AQP11: variants seen among roughly 807,000 people sequenced by gnomAD.
AQP11 encodes aquaporin 11, also known as aquaporin-11.
A neutral mutation model predicts 21.1 loss-of-function variants in AQP11; 20 were observed. That is an observed-to-expected ratio of 0.95 (90% CI 0.67 to 1.38). AQP11 has a LOEUF of 1.38. Ranked by LOEUF, AQP11 falls within the 40% of genes most tolerant of loss-of-function variation. The pLI, the probability that AQP11 is intolerant of heterozygous loss-of-function variation, is 0.00. For synonymous variants in AQP11, 167 were observed against 150.1 expected, an observed-to-expected ratio of 1.11 and a Z score of -0.82; for missense variants, 339 against 340.4, an observed-to-expected ratio of 1.00 and a Z score of 0.03.
At chr11:77,595,353 AAAAG>A (rs905833899) in intron 1 of AQP11, among the ~76,000 whole-genome samples, 1 of 152,140 alleles carries the variant, frequency 6.6e-6, no homozygotes, top group Non-Finnish European at 1.5e-5. Context: ...AAAAAAGAAA[AAAAG>A]AAAGAAAAAC....
intron 1 of AQP11, among the ~76,000 whole-genome samples, chr11:77,596,547 T>TATATATATATATATATATATATATAC (rs1958783807): frequency 8.0e-6 from 1 of 124,266 alleles, no homozygotes; most frequent in African/African-American, 3.3e-5. Context: ...AATATATATA[T>TATATATATATATATATATATATATAC]ATATATATAT....
intron 1 of AQP11, among the ~76,000 whole-genome samples, chr11:77,595,939 C>A: frequency 6.6e-6 from 1 of 150,908 alleles, no homozygotes; most frequent in Non-Finnish European, 1.5e-5. Context: ...AGCAACAGAG[C>A]AAGACTCAGT....
chr11:77,603,309 T>G (rs1246386203), intron 1 of AQP11, among the ~76,000 whole-genome samples: 2 of 152,222 alleles, frequency 1.3e-5, no homozygotes, highest in Non-Finnish European at 2.9e-5. Context: ...TAACTTTCAG[T>G]GTCCATTTTA....
chr11:77,596,452 A>AT (rs1417431153), intron 1 of AQP11, among the ~76,000 whole-genome samples: 16 of 130,232 alleles, frequency 1.2e-4, no homozygotes, highest in Non-Finnish European at 2.0e-4. Flanking sequence ...ATTAAAAAAA[A>AT]AAAATATATA....
In AQP11 at chr11:77,595,610, T is replaced by C. The variant is rs570047841; in HGVS notation, c.619+4999T>C. Among the ~76,000 whole-genome samples, 219 of 152,208 alleles carry C rather than the reference T, an allele frequency of 1.4e-3. 1 individual carries two copies. The highest frequency in any genetic ancestry group is 3.4e-3 in the Middle Eastern group (1 of 294). On this transcript the variant is annotated intron_variant, in intron 1 of 2. Transcript: ENST00000313578. ...ACGAACTAGCAAATAGTCTGTTTAC[T>C]CTAAAAAACTGTACAGGAAGAAATA...
At chr11:77,603,458 A>G (rs2032395) in intron 1 of AQP11, 98 bp from the exon 2 acceptor site, 193,991 of 802,042 alleles carry the variant, frequency 0.24, 24,502 homozygotes, top group Non-Finnish European at 0.27. Flanking sequence ...GACTAAGAAT[A>G]CCTAAAATAA....
At chr11:77,607,784 T>C (rs1347593475) in intron 2 of AQP11, among the ~76,000 whole-genome samples, 1 of 151,454 alleles carries the variant, frequency 6.6e-6, no homozygotes, top group Non-Finnish European at 1.5e-5. Flanking sequence ...AAAAAAAGTA[T>C]ATAGAATTCT....
intron 1 of AQP11, among the ~76,000 whole-genome samples, chr11:77,592,519 A>C (rs1958754902): frequency 6.6e-6 from 1 of 152,252 alleles, no homozygotes; most frequent in South Asian, 2.1e-4. Flanking sequence ...TGGATTTTTC[A>C]ATACCTATGT....
chr11:77,597,878 C>T (rs550726526), intron 1 of AQP11, among the ~76,000 whole-genome samples: 3 of 152,042 alleles, frequency 2.0e-5, no homozygotes, highest in South Asian at 2.1e-4. Flanking sequence ...CTCAGCCTCC[C>T]GAGTAGCTGG....
chr11:77,606,802 T>G (rs1360964829), intron 2 of AQP11, among the ~76,000 whole-genome samples: 2 of 152,198 alleles, frequency 1.3e-5, no homozygotes, highest in Non-Finnish European at 2.9e-5. Context: ...TCTATGTTGC[T>G]CAGGCTGGTC....
intron 2 of AQP11, among the ~76,000 whole-genome samples, chr11:77,608,758 G>GA (rs1301496974): frequency 6.6e-6 from 1 of 152,160 alleles, no homozygotes; most frequent in Non-Finnish European, 1.5e-5. Flanking sequence ...AGATAAAAAT[G>GA]AAAAAACTGT....
intron 1 of AQP11, among the ~76,000 whole-genome samples, chr11:77,599,829 G>A (rs549036431): frequency 1.5e-4 from 23 of 148,996 alleles, no homozygotes; most frequent in Admixed American, 1.0e-3. Flanking sequence ...CAACCAATCC[G>A]CCCATCTCAG....
chr11:77,590,127 C>G lies in AQP11; in HGVS notation c.135C>G (p.His45Gln). The change falls in exon 1 of 3, where the codon CAC becomes CAG. Residue 45 changes from histidine to glutamine, a missense_variant. Transcript: ENST00000313578. ...ARQQLHRPVA[H>Q]AFVLEFLATF... Reference sequence around the variant, plus strand: ...AGCAGCTGCACAGGCCGGTGGCCCACGCCTTCGTCCTGGAGTTTCTAGCCA... The same window carrying G: ...AGCAGCTGCACAGGCCGGTGGCCCAGGCCTTCGTCCTGGAGTTTCTAGCCA... 1.9e-6 allele frequency: 3 copies of G among 1,608,142 alleles called. No homozygotes were observed. The South Asian group carries it at 3.3e-5, about 18-fold the overall frequency.
intron 2 of AQP11, 68 bp from the exon 3 acceptor site, chr11:77,609,230 A>C: frequency 8.4e-7 from 1 of 1,195,596 alleles, no homozygotes; most frequent in Non-Finnish European, 1.2e-6. Flanking sequence ...ATTTTAAAAT[A>C]TACCCACCTA....
chr11:77,593,417 C>T (rs968002408), intron 1 of AQP11, among the ~76,000 whole-genome samples: 13 of 152,132 alleles, frequency 8.5e-5, no homozygotes, highest in African/African-American at 1.7e-4. Context: ...GGGCAGATCA[C>T]GAGGTCAGGT....
rs941547434 is a variant in AQP11 at position 77,593,667 on chromosome 11, A to T, written c.619+3056A>T. 1.1e-3 allele frequency among the ~76,000 whole-genome samples: 167 copies of T among 152,040 alleles called. 2 individuals are homozygous for T. The highest frequency in any genetic ancestry group is 2.1e-4 in the Non-Finnish European group (14 of 67,990). On this transcript the variant is annotated intron_variant, in intron 1 of 2. Coordinates refer to ENST00000313578, the MANE Select transcript of AQP11 (RefSeq NM_173039.3). ...CTCAAAAAAAAACAAAAACAAAAAA[A>T]AACAACCCATCGATGAATATATTCT...
intron 1 of AQP11, among the ~76,000 whole-genome samples, chr11:77,597,792 C>T (rs1958792171): frequency 6.6e-6 from 1 of 151,888 alleles, no homozygotes; most frequent in African/African-American, 2.4e-5. Flanking sequence ...CTCGCTCTGT[C>T]ACCCAGGCTG....
rs1400378126 is a variant in AQP11 at position 77,609,456 on chromosome 11, A to C, written c.*79A>C. On this transcript the variant is annotated 3_prime_UTR_variant, in exon 3 of 3. Transcript: ENST00000313578. ...GATTTTATCACCTCATATGGAAAACACCGGCTGCACTGGATTCATCAGTGT... is the reference window on the plus strand; with the variant it reads ...GATTTTATCACCTCATATGGAAAACCCCGGCTGCACTGGATTCATCAGTGT... 1 of 1,141,100 alleles carries C rather than the reference A, an allele frequency of 8.8e-7. No individual in the cohort carries two copies. Among genetic ancestry groups the C allele is most frequent in the East Asian group, 2.4e-5 (1 of 41,364 alleles). The allele number at this position is 1,141,100 out of a possible 1,614,324, so 70.7% of individuals were successfully genotyped here. A position where few individuals can be genotyped will look rare whatever the true frequency, so the allele number is the denominator to read the frequency against.
intron 2 of AQP11, among the ~76,000 whole-genome samples, 200 bp downstream of exon 2, chr11:77,603,872 T>A (rs144051514): frequency 6.6e-6 from 1 of 152,254 alleles, no homozygotes; most frequent in African/African-American, 2.4e-5. Flanking sequence ...AGATATGCTA[T>A]CACTTTAAGA....
Sources: allele counts gnomAD v4.1 joint callset (sites outside exome capture counted in the v4.1 genomes callset), GRCh38; gene constraint gnomAD v4.1.1; transcripts MANE v1.5; gene names NCBI Gene and HGNC (gene_info 2026-07-23, HGNC 2026-07-21).